The following CSE1L variants were observed in gnomAD, a reference collection of about 807,000 sequenced individuals.
The protein encoded by CSE1L is chromosome segregation 1 like, also known as exportin-2.
Under a neutral mutation model 120.4 loss-of-function variants are expected in CSE1L, and 24 were observed. That is an observed-to-expected ratio of 0.20 (90% confidence interval 0.14 to 0.28). The LOEUF (loss-of-function observed/expected upper bound fraction) is 0.28, where lower values mean the gene tolerates loss of function less well. CSE1L is among the 10% of genes least tolerant of loss of function. The probability of loss-of-function intolerance (pLI) is 1.00; values close to 1 mark genes in which losing one functional copy is unlikely to be tolerated. For synonymous variants in CSE1L, 402 were observed against 398.3 expected, an observed-to-expected ratio of 1.01 and a Z score of -0.11; for missense variants, 830 against 1,145.2, an observed-to-expected ratio of 0.72 and a Z score of 3.97.
chr20:49,067,154 A>G (rs1295774601), intron 5 of CSE1L, 36 bp from the exon 6 acceptor site: 3 of 1,389,758 alleles, frequency 2.2e-6, no homozygotes, highest in Middle Eastern at 1.8e-4. Context: ...AATAAAAAAA[A>G]CTTGTAAATT....
At chr20:49,085,486 GATA>G in intron 16 of CSE1L, 100 bp downstream of exon 16, 1 of 584,008 alleles carries the variant, frequency 1.7e-6, no homozygotes, top group South Asian at 2.3e-5. Context: ...CTATGAACCA[GATA>G]ATGTTTACCA....
Position 49,096,858 on chromosome 20 carries a change from G to A in CSE1L, c.*420G>A, listed in dbSNP as rs752357019. 35 of 164,110 alleles carry A rather than the reference G, an allele frequency of 2.1e-4. No individual in the cohort carries two copies. Among genetic ancestry groups the A allele is most frequent in the Non-Finnish European group, 2.7e-4 (20 of 75,194 alleles). 10.2% of individuals were successfully genotyped at this position (164,110 alleles called of 1,614,324 possible). ...ACGCTTTTATTGGAAATGTGAATAA[G>A]TAAAGAATTACTTGTGTTACTTGCC... On this transcript the variant is annotated 3_prime_UTR_variant, in exon 25 of 25. Coordinates refer to ENST00000262982, the MANE Select transcript of CSE1L (RefSeq NM_001316.4).
intron 1 of CSE1L, among the ~76,000 whole-genome samples, chr20:49,049,519 A>T (rs1046100757): frequency 2.0e-5 from 3 of 152,080 alleles, no homozygotes; most frequent in Non-Finnish European, 4.4e-5. Flanking sequence ...TCATTTTTAG[A>T]TCAGTAACAC....
chr20:49,069,504 C>T (rs2734902), intron 7 of CSE1L, among the ~76,000 whole-genome samples: 130,965 of 152,248 alleles, frequency 0.86, 56,800 homozygotes, highest in African/African-American at 0.94. Flanking sequence ...CCTGGACTTA[C>T]CTTCACAACA....
At chr20:49,074,140 G>A (rs1475248284) in intron 10 of CSE1L, among the ~76,000 whole-genome samples, 2 of 151,198 alleles carry the variant, frequency 1.3e-5, no homozygotes, top group African/African-American at 2.4e-5. Context: ...GAGCTCAGGA[G>A]GTGGAGGCTG....
At position 49,058,474 on chromosome 20, in the gene CSE1L, G is replaced by A. The variant is rs1028723422; in HGVS notation, c.11G>A (p.Ser4Asn). 20 of 1,612,922 alleles carry A rather than the reference G, an allele frequency of 1.2e-5. No homozygotes were observed. The highest frequency in any genetic ancestry group is 1.7e-5 in the Non-Finnish European group (20 of 1,179,332). The change falls in exon 2 of 25, where the codon AGC becomes AAC. Residue 4 changes from serine (S) to asparagine (N), a missense_variant. By Grantham distance (46) the Ser-to-Asn change is conservative. Around this residue, in one of 4 missense-constraint regions of CSE1L, gnomAD observed 543 missense variants for 640.2 expected, o/e 0.85. Transcript: ENST00000262982. ...TTAGATCCTATAGCAATGGAACTCA[G>A]CGATGCAAATCTGCAAACACTAACA... MEL[S>N]DANLQTLTEY...
rs1367828323 is a variant in CSE1L at position 49,072,703 on chromosome 20, T to G, written c.1066+6T>G. 2 of 1,603,492 alleles carry G rather than the reference T, an allele frequency of 1.2e-6. No homozygotes were observed. The highest frequency in any genetic ancestry group is 1.1e-5 in the South Asian group (1 of 88,312). On this transcript the variant is annotated splice_donor_region_variant and intron_variant, in intron 10 of 24. Transcript: ENST00000262982. ...GCCTAACATGGAATTTAGAGGTAAT[T>G]ATGGCAAAAGTATATTAGTATAAAT...
intron 1 of CSE1L, among the ~76,000 whole-genome samples, chr20:49,050,385 ATT>A (rs1243770980): frequency 0.088 from 6,910 of 78,542 alleles, 164 homozygotes; most frequent in Non-Finnish European, 0.11. Context: ...AGCCCAGCTA[ATT>A]TTTTTTTTTT....
chr20:49,072,194 A>G, intron 8 of CSE1L, 92 bp from the exon 9 acceptor site: 1 of 1,326,598 alleles, frequency 7.5e-7, no homozygotes, highest in African/African-American at 1.5e-5. Context: ...GATTTAATTG[A>G]TAAAGAGTCT....
intron 10 of CSE1L, among the ~76,000 whole-genome samples, chr20:49,073,483 G>A (rs2091946972): frequency 6.6e-6 from 1 of 151,082 alleles, no homozygotes; most frequent in African/African-American, 2.4e-5. Context: ...GAAGGTGGGA[G>A]GGATTGTGTT....
Position 49,094,147 on chromosome 20 carries a change from G to T in CSE1L, c.2455G>T (p.Gly819Ter). The T allele has an allele frequency of 6.5e-7, 1 of 1,538,566 alleles. No homozygotes were observed. Among genetic ancestry groups the T allele is most frequent in the South Asian group, 1.2e-5 (1 of 86,602 alleles). The change falls in exon 23 of 25, where the codon GGA (glycine) becomes TGA (stop). Residue 819 changes from glycine (G) to a stop codon, truncating the protein, a stop_gained. Coordinates refer to ENST00000262982, the MANE Select transcript of CSE1L (RefSeq NM_001316.4). LOFTEE classifies it high-confidence loss of function. Reference sequence around the variant, plus strand: ...TTTATTTTGCTTTAATAGAATGTTTGGAATGGTTTTGGAAAAAATTATTAT... The same window carrying T: ...TTTATTTTGCTTTAATAGAATGTTTTGAATGGTTTTGGAAAAAATTATTAT... ...IFDGIQPKMF[G>*]MVLEKIIIPE...
At chr20:49,047,559 C>CTTTTTTTTTTT (rs1568757225) in intron 1 of CSE1L, among the ~76,000 whole-genome samples, 2 of 61,088 alleles carry the variant, frequency 3.3e-5, no homozygotes, top group Non-Finnish European at 6.7e-5. Flanking sequence ...TTTCTTTTCT[C>CTTTTTTTTTTT]TTTTCTTTTT....
chr20:49,087,030 G>T (rs1057426194), intron 16 of CSE1L, among the ~76,000 whole-genome samples: 1 of 147,638 alleles, frequency 6.8e-6, no homozygotes, highest in Non-Finnish European at 1.5e-5. Flanking sequence ...TTTATGCTTG[G>T]CATGTATTTG....
chr20:49,077,961 G>A (rs1464306823), intron 13 of CSE1L, among the ~76,000 whole-genome samples: 1 of 152,004 alleles, frequency 6.6e-6, no homozygotes, highest in African/African-American at 2.4e-5. Flanking sequence ...CCGAGATCGT[G>A]CCACTGCACT....
chr20:49,072,723 A>G (rs775199758), intron 10 of CSE1L, 26 bp downstream of exon 10: 3 of 1,578,182 alleles, frequency 1.9e-6, no homozygotes, highest in South Asian at 1.2e-5. Flanking sequence ...GTATATTAGT[A>G]TAAATCTACT....
chr20:49,084,952 C>T (rs1012891383), intron 15 of CSE1L, among the ~76,000 whole-genome samples: 3 of 152,032 alleles, frequency 2.0e-5, no homozygotes, highest in African/African-American at 7.2e-5. Flanking sequence ...GGCTCCACCT[C>T]CAAAAACAAA....
In CSE1L at chr20:49,075,405, G is replaced by T; in HGVS notation, c.1220G>T (p.Gly407Val). Residue 407 changes from glycine to valine, a missense_variant, in exon 12 of 25, where the codon GGT becomes GTT. Around this residue, in one of 4 missense-constraint regions of CSE1L, gnomAD observed 543 missense variants for 640.2 expected, o/e 0.85. Coordinates refer to ENST00000262982, the MANE Select transcript of CSE1L (RefSeq NM_001316.4). ...GGACCTGTGACAGGAATCTTCTCTG[G>T]TTATGTTAATTCCATGCTGCAGGAA... ...FEGPVTGIFS[G>V]YVNSMLQEYA... 1 of 1,613,878 alleles carries T rather than the reference G, an allele frequency of 6.2e-7. No homozygotes were observed.
At chr20:49,054,528 C>G (rs2091791862) in intron 1 of CSE1L, among the ~76,000 whole-genome samples, 1 of 152,136 alleles carries the variant, frequency 6.6e-6, no homozygotes, top group South Asian at 2.1e-4. Context: ...TAAATCTGAT[C>G]TTTATTTATT....
At chr20:49,065,313 ATTTTTTTTTTT>A (rs376073464) in intron 3 of CSE1L, among the ~76,000 whole-genome samples, 4 of 52,114 alleles carry the variant, frequency 7.7e-5, no homozygotes, top group East Asian at 1.0e-3. Context: ...TGAAAAAAAA[ATTTTTTTTTTT>A]TTTTTTTTTT....
Sources: gnomAD v4.1 joint callset for allele counts (sites outside exome capture counted in the v4.1 genomes callset) on GRCh38, gnomAD v4.1.1 for gene constraint, gnomAD v4.1.1 regional missense constraint, MANE v1.5 for transcripts, NCBI Gene and HGNC (gene_info 2026-07-23, HGNC 2026-07-21) for gene names.